Variants in PCDHGA2 observed in about 807,000 individuals in gnomAD.
PCDHGA2 encodes the protein protocadherin gamma-A2.
A neutral mutation model predicts 59.2 loss-of-function variants in PCDHGA2; 40 were observed. That is an observed-to-expected ratio of 0.68 (90% CI 0.52 to 0.88). PCDHGA2 has a LOEUF of 0.88. Ranked by LOEUF, PCDHGA2 falls within the 40% of genes least tolerant of loss-of-function variation. The pLI is 0.00. For missense variants in PCDHGA2, 1,226 were observed against 1,204.0 expected (o/e 1.02, Z -0.27); for synonymous variants, 560 against 526.0 (o/e 1.06, Z -0.89).
Position 141,511,380 on chromosome 5 carries a change from C to T in PCDHGA2, c.*207C>T, listed in dbSNP as rs896762148. 1.5e-5 allele frequency: 18 copies of T among 1,170,372 alleles called. No homozygotes were observed. The highest frequency in any genetic ancestry group is 3.0e-4 in the Middle Eastern group (1 of 3,384). 72.5% of individuals were successfully genotyped at this position (1,170,372 alleles called of 1,614,324 possible). ...GGGGTTGAATATGCAAAAGCAGTTC[C>T]GCTGGGAACCCCCATCCAATCAACT... is the stretch of plus-strand genomic sequence containing the variant. On this transcript the variant is annotated 3_prime_UTR_variant, in exon 4 of 4. Coordinates refer to ENST00000394576, the MANE Select transcript of PCDHGA2 (RefSeq NM_018915.4).
In PCDHGA2 at chr5:141,490,262, G is replaced by A; in HGVS notation, c.2425-4545G>A. 1.2e-6 allele frequency: 2 copies of A among 1,614,206 alleles called. No homozygotes were observed. Among genetic ancestry groups the A allele is most frequent in the South Asian group, 1.1e-5 (1 of 91,086 alleles). On this transcript the variant is annotated intron_variant, in intron 1 of 3. Transcript: ENST00000394576. The surrounding 1 kb of genome is among the most constrained non-coding windows in gnomAD (Gnocchi z 5.4). ...CACTGTGTGATTCAAGTGGATGTGGGGGATGTCAATGACAATGCCCCAGAG... is the reference window on the plus strand; with the variant it reads ...CACTGTGTGATTCAAGTGGATGTGGAGGATGTCAATGACAATGCCCCAGAG...
chr5:141,418,018 T>C, intron 1 of PCDHGA2: 1 of 1,613,868 alleles, frequency 6.2e-7, no homozygotes, highest in Non-Finnish European at 8.5e-7. Flanking sequence ...TCGCTAAGGA[T>C]CTAGGGCTTA....
intron 2 of PCDHGA2, among the ~76,000 whole-genome samples, chr5:141,498,039 A>G (rs2099781185): frequency 6.6e-6 from 1 of 152,264 alleles, no homozygotes; most frequent in Non-Finnish European, 1.5e-5. Flanking sequence ...CCAAATAATT[A>G]CAAAAATAAA....
Position 141,511,319 on chromosome 5 carries a change from C to A in PCDHGA2, c.*146C>A. On this transcript the variant is annotated 3_prime_UTR_variant, in exon 4 of 4. Coordinates refer to ENST00000394576, the MANE Select transcript of PCDHGA2 (RefSeq NM_018915.4). ...CCATGCTCCCCTTGGGAAACAGAAA[C>A]AAGTGCCCAGTCAGCACCTACCCCT... is the stretch of plus-strand genomic sequence containing the variant. 6.8e-7 allele frequency: 1 copy of A among 1,477,420 alleles called. No homozygotes were observed. The highest frequency in any genetic ancestry group is 9.0e-7 in the Non-Finnish European group (1 of 1,108,340). 91.5% of individuals were successfully genotyped at this position (1,477,420 alleles called of 1,614,324 possible).
At chr5:141,368,404 C>G (rs778461695) in intron 1 of PCDHGA2, among the ~76,000 whole-genome samples, 1 of 152,034 alleles carries the variant, frequency 6.6e-6, no homozygotes, top group Non-Finnish European at 1.5e-5. Context: ...AACACACATA[C>G]ATACACACAT....
At chr5:141,385,479 T>A in intron 1 of PCDHGA2, 6 of 1,429,214 alleles carry the variant, frequency 4.2e-6, no homozygotes, top group Non-Finnish European at 5.5e-6. Flanking sequence ...CACTTTAATA[T>A]AGAACACATA....
chr5:141,379,340 TC>T (rs1433489240), intron 1 of PCDHGA2: 1 of 152,232 alleles, frequency 6.6e-6, no homozygotes, highest in Non-Finnish European at 1.5e-5. Flanking sequence ...TCTTCAAAGC[TC>T]ATTTTCTTGT....
chr5:141,452,710 G>GAAGT (rs1343622540), intron 1 of PCDHGA2, among the ~76,000 whole-genome samples: 1 of 151,996 alleles, frequency 6.6e-6, no homozygotes, highest in Non-Finnish European at 1.5e-5. Flanking sequence ...AGAAAGGAAG[G>GAAGT]AATGAGGGAG....
At chr5:141,356,631 AG>A (rs769542220) in intron 1 of PCDHGA2, 2 of 1,614,168 alleles carry the variant, frequency 1.2e-6, no homozygotes, top group Non-Finnish European at 1.7e-6. Context: ...TGACTGCTCA[AG>A]ACCCTGACAG....
chr5:141,364,257 C>T, intron 1 of PCDHGA2: 1 of 1,495,330 alleles, frequency 6.7e-7, no homozygotes, highest in Non-Finnish European at 8.9e-7. Flanking sequence ...GGAATATGTA[C>T]CCATCGGCTT....
intron 1 of PCDHGA2, chr5:141,345,146 G>T (rs1012297778): frequency 6.2e-7 from 1 of 1,613,858 alleles, no homozygotes; most frequent in Non-Finnish European, 8.5e-7. Context: ...TTATCGACGT[G>T]CATGACCGAG....
chr5:141,420,047 G>T lies in PCDHGA2; in HGVS notation c.2425-74760G>T. ...TACTGCAGGAGACTGCTTTGAGTCA[G>T]TTCTCTGCTCCAAGTCCGGACCTGT... On this transcript the variant is annotated intron_variant, in intron 1 of 3. Coordinates refer to ENST00000394576, the MANE Select transcript of PCDHGA2 (RefSeq NM_018915.4). 3 of 1,614,076 alleles carry T rather than the reference G, an allele frequency of 1.9e-6. No individual in the cohort carries two copies. The South Asian group carries it at 3.3e-5, about 18-fold the overall frequency.
At chr5:141,408,301 C>A in intron 1 of PCDHGA2, 1 of 1,613,756 alleles carries the variant, frequency 6.2e-7, no homozygotes, top group Non-Finnish European at 8.5e-7. Flanking sequence ...GTGAGCCGAT[C>A]CGCTACTCGA....
intron 1 of PCDHGA2, among the ~76,000 whole-genome samples, chr5:141,397,505 T>A (rs2093531906): frequency 6.6e-6 from 1 of 152,158 alleles, no homozygotes; most frequent in South Asian, 2.1e-4. Context: ...ATGATAAAAT[T>A]GTTTCCATAG....
Position 141,486,814 on chromosome 5 carries a change from C to T in PCDHGA2, c.2425-7993C>T, listed in dbSNP as rs1048351154. On this transcript the variant is annotated intron_variant, in intron 1 of 3. Transcript: ENST00000394576. The surrounding 1 kb of genome is among the most constrained non-coding windows in gnomAD (Gnocchi z 5.0). ...ATCGGGGCAACCCACCCCTTAGCAG[C>T]ACTGTAACAGTTCGTCTATTTGTGC... 1.2e-6 allele frequency: 2 copies of T among 1,614,122 alleles called. No individual in the cohort carries two copies. Among genetic ancestry groups the T allele is most frequent in the Non-Finnish European group, 1.7e-6 (2 of 1,180,052 alleles).
In PCDHGA2 at chr5:141,487,715, C is replaced by T. The variant is rs1209272301; in HGVS notation, c.2425-7092C>T. 2.5e-6 allele frequency: 4 copies of T among 1,582,708 alleles called. No individual in the cohort carries two copies. The highest frequency in any genetic ancestry group is 1.8e-5 in the Admixed American group (1 of 54,696). The stretch of plus-strand genomic sequence containing the variant: ...GAGTACTGGCCTCTCAGTAAGTGCC[C>T]ATAGTGATGTCACCATTTTTGTAAG... On this transcript the variant is annotated intron_variant, in intron 1 of 3. Transcript: ENST00000394576. This position sits in a 1 kb window ranked among gnomAD's most constrained non-coding sequence, Gnocchi z 5.0.
At chr5:141,416,870 A>G (rs1315073474) in intron 1 of PCDHGA2, 4 of 152,154 alleles carry the variant, frequency 2.6e-5, no homozygotes, top group Non-Finnish European at 5.9e-5. Flanking sequence ...GTCAGTCAAC[A>G]TTTGTTGAAT....
At chr5:141,494,676 CT>C (rs2099756021) in intron 1 of PCDHGA2, 130 bp from the exon 2 acceptor site, 6 of 1,550,918 alleles carry the variant, frequency 3.9e-6, no homozygotes, top group Non-Finnish European at 4.4e-6. Context: ...GAGTCCACCC[CT>C]GCCCCCTCTT....
intron 1 of PCDHGA2, chr5:141,440,744 A>C (rs2098197850): frequency 6.6e-6 from 1 of 152,194 alleles, no homozygotes; most frequent in Non-Finnish European, 1.5e-5. Context: ...CTGCTTGACT[A>C]GGAAAAGCAG....
Sources: allele counts gnomAD v4.1 joint callset (sites outside exome capture counted in the v4.1 genomes callset), GRCh38; gene constraint gnomAD v4.1.1; non-coding constraint Gnocchi (gnomAD v3.1); transcripts MANE v1.5; gene names NCBI Gene and HGNC (gene_info 2026-07-23, HGNC 2026-07-21).